Variants in SIRT5 observed in about 807,000 individuals in gnomAD.
SIRT5 encodes the protein sirtuin 5.
Under a neutral mutation model 40.0 loss-of-function variants are expected in SIRT5, and 26 were observed. That is an observed-to-expected ratio of 0.65 (90% CI 0.48 to 0.90). The LOEUF is 0.90. Ranked by LOEUF, SIRT5 falls within the 40% of genes least tolerant of loss-of-function variation. SIRT5 has a pLI of 0.00. For synonymous variants in SIRT5, 146 were observed against 149.1 expected, an observed-to-expected ratio of 0.98 and a Z score of 0.15; for missense variants, 401 against 402.4, an observed-to-expected ratio of 1.00 and a Z score of 0.03.
Position 13,588,390 on chromosome 6 carries a change from G to C in SIRT5, c.175G>C (p.Ala59Pro), listed in dbSNP as rs544132515. The change falls in exon 4 of 10, where the codon GCT (alanine) becomes CCT (proline). Residue 59 changes from alanine (A) to proline (P), a missense_variant. Physicochemically the swap from Ala to Pro is conservative, Grantham distance 27. Transcript: ENST00000606117. ...KAKHIVIISG[A>P]GVSAESGVPT... ...AAAGCACATAGTCATCATCTCAGGA[G>C]CTGGTGTTAGTGCAGAAAGTGGTGT... 1 of 1,614,234 alleles carries C rather than the reference G, an allele frequency of 6.2e-7. No individual in the cohort carries two copies. Among genetic ancestry groups the C allele is most frequent in the East Asian group, 2.2e-5 (1 of 44,888 alleles).
At chr6:13,596,492 T>C (rs550906313) in intron 6 of SIRT5, among the ~76,000 whole-genome samples, 46 of 148,756 alleles carry the variant, frequency 3.1e-4, no homozygotes, top group Middle Eastern at 3.5e-3. Flanking sequence ...CCACTGGTGA[T>C]TTTTTTTTTT....
chr6:13,611,207 G>GTATATATATATA (rs1172335284), intron 9 of SIRT5, among the ~76,000 whole-genome samples: 13 of 93,588 alleles, frequency 1.4e-4, no homozygotes, highest in East Asian at 8.2e-4. Context: ...GTGTGTGTGT[G>GTATATATATATA]TATATATATA....
chr6:13,581,215 G>A (rs980712771), intron 2 of SIRT5, among the ~76,000 whole-genome samples: 4 of 152,086 alleles, frequency 2.6e-5, no homozygotes, highest in African/African-American at 9.7e-5. Context: ...TCCCTTTTCA[G>A]GTCTTGAATC....
chr6:13,574,770 G>A, intron 1 of SIRT5, 26 bp downstream of exon 1: 1 of 152,534 alleles, frequency 6.6e-6, no homozygotes, highest in Non-Finnish European at 1.5e-5. Flanking sequence ...CGTGGGGGTC[G>A]CTGCGGCTGG....
intron 9 of SIRT5, among the ~76,000 whole-genome samples, chr6:13,611,293 A>G (rs1162523278): frequency 3.4e-5 from 5 of 149,148 alleles, no homozygotes; most frequent in South Asian, 2.1e-4. Flanking sequence ...ACAAAAAAGT[A>G]TGTATTGTGT....
intron 1 of SIRT5, among the ~76,000 whole-genome samples, chr6:13,578,571 G>A (rs990249730): frequency 6.7e-6 from 1 of 149,096 alleles, no homozygotes; most frequent in Non-Finnish European, 1.5e-5. Context: ...AAGTGGAGAC[G>A]GCGCCACTGC....
At chr6:13,584,591 T>C (rs1016203772) in intron 3 of SIRT5, among the ~76,000 whole-genome samples, 3 of 152,094 alleles carry the variant, frequency 2.0e-5, no homozygotes, top group African/African-American at 7.2e-5. Context: ...TCTCGTAATT[T>C]GCCTGCCTCA....
At chr6:13,594,869 T>C (rs751043062) in intron 5 of SIRT5, among the ~76,000 whole-genome samples, 34 of 152,374 alleles carry the variant, frequency 2.2e-4, no homozygotes, top group Admixed American at 5.2e-4. Flanking sequence ...ATTACTTTTT[T>C]CACTTATTAG....
At chr6:13,601,254 AGTT>A (rs1762343673) in intron 9 of SIRT5, among the ~76,000 whole-genome samples, 1 of 152,132 alleles carries the variant, frequency 6.6e-6, no homozygotes, top group South Asian at 2.1e-4. Flanking sequence ...GATGACCTGT[AGTT>A]GTAGGTTACC....
At chr6:13,584,292 A>G in intron 3 of SIRT5, 67 bp downstream of exon 3, 1 of 1,134,116 alleles carries the variant, frequency 8.8e-7, no homozygotes, top group Non-Finnish European at 1.3e-6. Flanking sequence ...CTACACTTCG[A>G]GAGGAATGTC....
At chr6:13,587,035 A>G (rs1447565506) in intron 3 of SIRT5, among the ~76,000 whole-genome samples, 7 of 152,028 alleles carry the variant, frequency 4.6e-5, no homozygotes, top group Non-Finnish European at 1.0e-4. Flanking sequence ...CTTGGTTGCC[A>G]TTTCCTCAAG....
At position 13,591,767 on chromosome 6, in the gene SIRT5, C is replaced by T. The variant is rs200807919; in HGVS notation, c.348C>T (p.Ala116=). 341 of 1,613,802 alleles carry T rather than the reference C, an allele frequency of 2.1e-4. 2 individuals are homozygous for T. In the Admixed American group the frequency reaches 3.7e-3, roughly 18 times the overall value. Residue 116 remains alanine, a synonymous_variant, in exon 5 of 10, where the codon GCC becomes GCT. Coordinates refer to ENST00000606117, the MANE Select transcript of SIRT5 (RefSeq NM_012241.5). Reference sequence around the variant, plus strand: ...TCATGGGGAGCAAGGAGCCCAACGCCGGGCACCGCGCCATAGCCGAGTGTG... The same window carrying T: ...TCATGGGGAGCAAGGAGCCCAACGCTGGGCACCGCGCCATAGCCGAGTGTG... ...REVMGSKEPN[A]GHRAIAECET...
chr6:13,599,231 T>C, intron 8 of SIRT5, 76 bp downstream of exon 8: 1 of 1,481,648 alleles, frequency 6.7e-7, no homozygotes, highest in Admixed American at 1.9e-5. Context: ...CCTCTTTTCC[T>C]TCCTCCCTCC....
chr6:13,588,257 A>C, intron 3 of SIRT5, 74 bp from the exon 4 acceptor site: 1 of 1,536,116 alleles, frequency 6.5e-7, no homozygotes. Flanking sequence ...TCAAGTTTCA[A>C]GATACAGACA....
intron 3 of SIRT5, among the ~76,000 whole-genome samples, chr6:13,585,758 G>A (rs531920769): frequency 2.6e-5 from 4 of 152,242 alleles, no homozygotes; most frequent in South Asian, 4.2e-4. Flanking sequence ...GTATATACCC[G>A]GTAATGGGAT....
At chr6:13,606,215 G>C (rs748414641) in intron 9 of SIRT5, among the ~76,000 whole-genome samples, 1 of 152,138 alleles carries the variant, frequency 6.6e-6, no homozygotes, top group Non-Finnish European at 1.5e-5. Flanking sequence ...ACATAATCTG[G>C]GATAAGAGCT....
chr6:13,585,710 C>T (rs562958560), intron 3 of SIRT5, among the ~76,000 whole-genome samples: 58 of 152,260 alleles, frequency 3.8e-4, no homozygotes, highest in Non-Finnish European at 6.2e-4. Context: ...CATACGTATG[C>T]ATGTGTCTTT....
At chr6:13,582,051 C>CT (rs930438743) in intron 2 of SIRT5, among the ~76,000 whole-genome samples, 39 of 152,330 alleles carry the variant, frequency 2.6e-4, no homozygotes, top group African/African-American at 8.9e-4. Context: ...CACAAATCCT[C>CT]TAATCAGTCC....
intron 9 of SIRT5, chr6:13,605,488 T>C (rs755719800): frequency 4.1e-6 from 4 of 985,446 alleles, no homozygotes; most frequent in Non-Finnish European, 4.8e-6. Context: ...GAATGCTGCC[T>C]ATATTTTAAT....
Sources: allele counts gnomAD v4.1 joint callset (sites outside exome capture counted in the v4.1 genomes callset), GRCh38; gene constraint gnomAD v4.1.1; transcripts MANE v1.5; gene names NCBI Gene and HGNC (gene_info 2026-07-23, HGNC 2026-07-21).